CES5A: variants seen among roughly 807,000 people sequenced by gnomAD.
CES5A encodes the protein carboxylesterase 5A.
A neutral mutation model predicts 62.9 loss-of-function variants in CES5A; 67 were observed. The ratio of observed to expected loss-of-function variants is 1.07; its 90% CI spans 0.88 to 1.31. The LOEUF (loss-of-function observed/expected upper bound fraction) is 1.31. Among genes scored for constraint, CES5A ranks in the 50% most tolerant of loss-of-function variants. CES5A has a pLI of 0.00. For missense variants in CES5A, 748 were observed against 708.5 expected (o/e 1.06, Z -0.63); for synonymous variants, 296 against 280.8 (o/e 1.05, Z -0.54).
intron 2 of CES5A, among the ~76,000 whole-genome samples, chr16:55,940,103 T>A (rs1187864307): frequency 1.3e-5 from 2 of 151,346 alleles, no homozygotes; most frequent in Non-Finnish European, 3.0e-5. Flanking sequence ...AGATCTCAAA[T>A]CAGCCATCTA....
chr16:55,850,065 T>A (rs1239116817), intron 10 of CES5A, among the ~76,000 whole-genome samples: 1 of 152,246 alleles, frequency 6.6e-6, no homozygotes, highest in African/African-American at 2.4e-5. Flanking sequence ...TTCAAGTCTT[T>A]TACCCATTAT....
chr16:55,942,127 A>G (rs1283128235), intron 2 of CES5A, among the ~76,000 whole-genome samples: 7 of 152,238 alleles, frequency 4.6e-5, no homozygotes, highest in African/African-American at 1.7e-4. Flanking sequence ...TAAAGCTTCT[A>G]GAATAAAACA....
In CES5A at chr16:55,875,218, T is replaced by G; in HGVS notation, c.4A>C (p.Ser2Arg). The G allele has an allele frequency of 6.2e-7, 1 of 1,613,314 alleles. No individual in the cohort carries two copies. The highest frequency in any genetic ancestry group is 8.5e-7 in the Non-Finnish European group (1 of 1,179,716). ...TGGCCTGGGTGCACCCAATTCCCAC[T>G]CATTTGGCTGCCTGCCTGCACTCTG... MSGNWVHPGQIL... is the reference protein window; with the variant it reads MRGNWVHPGQIL... Residue 2 changes from serine (S) to arginine (R), a missense_variant, in exon 1 of 13, where the codon AGT (serine) becomes CGT (arginine). Coordinates refer to ENST00000290567, the MANE Select transcript of CES5A (RefSeq NM_001143685.2).
rs1188438041 is a variant in CES5A, at chr16:55,912,960, G to A, written c.-256+12363C>T. 3.3e-5 allele frequency among the ~76,000 whole-genome samples: 5 copies of A among 152,176 alleles called. No homozygotes were observed. In the East Asian group the frequency reaches 5.8e-4, roughly 18 times the overall value. ...AGGCAGTTTTATCACCCAGCACCTT[G>A]TAACTGCCCTGGGTTCACCTTGCCG... On this transcript the variant is annotated intron_variant, in intron 1 of 12. Coordinates refer to the CES5A transcript ENST00000518005.
chr16:55,935,506 G>A (rs1020649151), intron 2 of CES5A, among the ~76,000 whole-genome samples: 5 of 152,130 alleles, frequency 3.3e-5, no homozygotes, highest in Non-Finnish European at 7.4e-5. Context: ...GGCACCCCAT[G>A]GCCCAGTCAA....
chr16:55,920,515 C>T (rs534326885), intron 1 of CES5A, among the ~76,000 whole-genome samples: 1 of 152,216 alleles, frequency 6.6e-6, no homozygotes, highest in Non-Finnish European at 1.5e-5. Flanking sequence ...CCTTTGAGAC[C>T]CCCCCATTCA....
chr16:55,920,641 T>A (rs1458902024), intron 1 of CES5A, among the ~76,000 whole-genome samples: 1 of 151,808 alleles, frequency 6.6e-6, no homozygotes, highest in African/African-American at 2.4e-5. Flanking sequence ...AACAAATACA[T>A]CCAATAAAAA....
Position 55,861,173 on chromosome 16 carries a change from A to G in CES5A, c.915+239T>C, listed in dbSNP as rs150489111. Among the ~76,000 whole-genome samples the G allele has an allele frequency of 9.3e-3, 1,416 of 152,316 alleles. 30 individuals are homozygous for G. The highest frequency in any genetic ancestry group is 0.033 in the African/African-American group (1,362 of 41,580). The stretch of plus-strand genomic sequence containing the variant: ...GTGAGATGCTTTCAGGGACTTAGAG[A>G]CAAGCCTTGTACTTTGCTGAATCTT... On this transcript the variant is annotated intron_variant, in intron 7 of 12. Transcript: ENST00000290567.
upstream of CES5A, among the ~76,000 whole-genome samples, chr16:55,877,332 T>C (rs1471737957): frequency 6.6e-6 from 1 of 152,174 alleles, no homozygotes; most frequent in Non-Finnish European, 1.5e-5. Context: ...TTAGATGTAA[T>C]TGTCTATCAT....
At chr16:55,870,162 C>G (rs1185349022) in intron 3 of CES5A, among the ~76,000 whole-genome samples, 2 of 152,014 alleles carry the variant, frequency 1.3e-5, no homozygotes, top group African/African-American at 2.4e-5. Context: ...CTGTGACCCA[C>G]GGGAAGATGG....
At chr16:55,894,477 A>T (rs1978335) in intron 1 of CES5A, among the ~76,000 whole-genome samples, 102,747 of 141,334 alleles carry the variant, frequency 0.73, 37,357 homozygotes, top group African/African-American at 0.75. Context: ...CCAGCCTGGG[A>T]GACAGTGCAA....
At chr16:55,862,139 A>G (rs2033364226) in intron 6 of CES5A, among the ~76,000 whole-genome samples, 1 of 151,820 alleles carries the variant, frequency 6.6e-6, no homozygotes, top group African/African-American at 2.4e-5. Context: ...TCCTCATCCA[A>G]TCTCCTATAA....
At chr16:55,922,392 T>C (rs2216056) in intron 1 of CES5A, among the ~76,000 whole-genome samples, 56,577 of 151,624 alleles carry the variant, frequency 0.37, 11,134 homozygotes, top group African/African-American at 0.47. Flanking sequence ...GCAGAAGTAG[T>C]TATACTTATA....
chr16:55,875,108 C>A, intron 1 of CES5A, 41 bp downstream of exon 1: 1 of 1,587,518 alleles, frequency 6.3e-7, no homozygotes, highest in Non-Finnish European at 8.7e-7. Flanking sequence ...CCTCACCCAC[C>A]CCATCTTCTG....
chr16:55,862,952 A>C (rs1225564224), intron 6 of CES5A, among the ~76,000 whole-genome samples: 5 of 152,214 alleles, frequency 3.3e-5, no homozygotes, highest in Admixed American at 2.0e-4. Flanking sequence ...AATCAGTCAC[A>C]GCATTATTTC....
chr16:55,886,050 C>T (rs1020851149), intron 1 of CES5A, among the ~76,000 whole-genome samples: 19 of 152,336 alleles, frequency 1.2e-4, no homozygotes, highest in Admixed American at 3.3e-4. Flanking sequence ...AGGTTCCCCA[C>T]GGCTAGCTGG....
rs74791918 is a variant in CES5A, at chr16:55,931,892, A to G, written c.160+17893T>C. On this transcript the variant is annotated intron_variant, in intron 2 of 13. Transcript: ENST00000521992. ...CTACCACATGTTAAATGCATATCAGACATGGGCTGCCATGGAGTTAATGTT... is the reference window on the plus strand; with the variant it reads ...CTACCACATGTTAAATGCATATCAGGCATGGGCTGCCATGGAGTTAATGTT... Among the ~76,000 whole-genome samples the G allele has an allele frequency of 6.6e-3, 1,008 of 152,334 alleles. 15 individuals carry two copies. Among genetic ancestry groups the G allele is most frequent in the African/African-American group, 0.023 (974 of 41,582 alleles).
rs147436688 is a variant in CES5A at position 55,867,497 on chromosome 16, G to T, written c.552-1381C>A. 4.4e-3 allele frequency among the ~76,000 whole-genome samples: 669 copies of T among 152,274 alleles called. 19 individuals are homozygous for T. The highest frequency in any genetic ancestry group is 0.039 in the Admixed American group (596 of 15,290). ...CCTCCATTTTCCAGTTCTCCAGACTGCTCCTTCCCCTGGGTCCCCTCCACT... is the reference window on the plus strand; with the variant it reads ...CCTCCATTTTCCAGTTCTCCAGACTTCTCCTTCCCCTGGGTCCCCTCCACT... On this transcript the variant is annotated intron_variant, in intron 4 of 12. Coordinates refer to ENST00000290567, the MANE Select transcript of CES5A (RefSeq NM_001143685.2).
At chr16:55,866,403 G>A (rs6499795) in intron 4 of CES5A, among the ~76,000 whole-genome samples, 31,770 of 151,984 alleles carry the variant, frequency 0.21, 4,046 homozygotes, top group Middle Eastern at 0.33. Context: ...CCCAATCCAT[G>A]AATCCTGTGT....
Sources: allele counts gnomAD v4.1 joint callset (sites outside exome capture counted in the v4.1 genomes callset), GRCh38; gene constraint gnomAD v4.1.1; transcripts MANE v1.5; gene names NCBI Gene and HGNC (gene_info 2026-07-23, HGNC 2026-07-21).